TMTC4: variants seen among roughly 807,000 people sequenced by gnomAD.
The protein encoded by TMTC4 is transmembrane O-mannosyltransferase targeting cadherins 4, also known as protein O-mannosyl-transferase TMTC4.
TMTC4 carries 65 observed loss-of-function variants against 86.0 expected under a neutral mutation model. The observed-to-expected ratio is 0.76, with a 90% CI of 0.62 to 0.93. The LOEUF is 0.93. Among genes scored for constraint, TMTC4 ranks in the 40% least tolerant of loss-of-function variants. The pLI is 0.00. For synonymous variants in TMTC4, 379 were observed against 382.5 expected, an observed-to-expected ratio of 0.99 and a Z score of 0.11; for missense variants, 866 against 948.1, an observed-to-expected ratio of 0.91 and a Z score of 1.14.
chr13:100,616,348 G>A lies in TMTC4; in HGVS notation c.1837-1918C>T, dbSNP rs540512121. ...CTCCCAAGTAGCTGGGATTACAGGC[G>A]CCCACCACCATGCCCAGCTAATTTT... On this transcript the variant is annotated intron_variant, in intron 15 of 18. Coordinates refer to ENST00000342624, the MANE Select transcript of TMTC4 (RefSeq NM_032813.5). Among the ~76,000 whole-genome samples, 12 of 151,904 alleles carry A rather than the reference G, an allele frequency of 7.9e-5. No homozygotes were observed. The South Asian group carries it at 1.7e-3, about 21-fold the overall frequency.
At chr13:100,626,254 A>G in intron 12 of TMTC4, 104 bp from the exon 13 acceptor site, 1 of 1,224,564 alleles carries the variant, frequency 8.2e-7, no homozygotes. Context: ...GCGACGAGGA[A>G]AAAAAATCAC....
chr13:100,615,159 A>G (rs1302338082), intron 15 of TMTC4, among the ~76,000 whole-genome samples: 1 of 152,074 alleles, frequency 6.6e-6, no homozygotes, highest in Non-Finnish European at 1.5e-5. Context: ...TATTTTTGAG[A>G]TAGAGTCTCA....
At chr13:100,612,694 C>CACA (rs1566560727) in intron 16 of TMTC4, among the ~76,000 whole-genome samples, 184 bp from the exon 17 acceptor site, 1 of 143,698 alleles carries the variant, frequency 7.0e-6, no homozygotes. Flanking sequence ...CACACACACA[C>CACA]GACGTTATCA....
intron 6 of TMTC4, among the ~76,000 whole-genome samples, chr13:100,645,922 C>T (rs548234026): frequency 6.6e-6 from 1 of 152,216 alleles, no homozygotes; most frequent in South Asian, 2.1e-4. Flanking sequence ...CACCCCCTAC[C>T]GCTCCCCTCA....
rs751561015 is a variant in TMTC4, at chr13:100,656,424, G to C, written c.597C>G (p.Phe199Leu). ...AGTAGCCAAGGAAAGATAACAAGAA[G>C]AACAGGGCACACAGGAGGTCTGCAC... ...VGRADLLCAL[F>L]FLLSFLGYCK... The change falls in exon 6 of 19, where the codon TTC (phenylalanine) becomes TTG (leucine). Residue 199 changes from phenylalanine to leucine, a missense_variant. Phe to Leu is a conservative substitution (Grantham distance 22, BLOSUM62 0). Transcript: ENST00000342624. The C allele has an allele frequency of 1.9e-6, 3 of 1,612,154 alleles. No individual in the cohort carries two copies. The highest frequency in any genetic ancestry group is 2.5e-6 in the Non-Finnish European group (3 of 1,179,374).
chr13:100,654,667 T>C (rs1162084400), intron 6 of TMTC4, among the ~76,000 whole-genome samples: 1 of 152,136 alleles, frequency 6.6e-6, no homozygotes, highest in Non-Finnish European at 1.5e-5. Flanking sequence ...GAATATAAAA[T>C]GTCTAGCCTT....
intron 17 of TMTC4, among the ~76,000 whole-genome samples, chr13:100,609,856 G>A (rs1419468663): frequency 6.6e-6 from 1 of 152,142 alleles, no homozygotes; most frequent in East Asian, 1.9e-4. Flanking sequence ...AGTGACTGCT[G>A]TTAGGTTTTA....
rs1878121473 is a variant in TMTC4, at chr13:100,614,303, C to T, written c.1951+13G>A. On this transcript the variant is annotated intron_variant, in intron 16 of 18. Coordinates refer to ENST00000342624, the MANE Select transcript of TMTC4 (RefSeq NM_032813.5). ...GCCATTTCCTGTGATTTGTTCCATC[C>T]AGCTTTCTGTACCTGTATTGTCGAG... is the stretch of plus-strand genomic sequence containing the variant. The T allele has an allele frequency of 6.2e-7, 1 of 1,600,980 alleles. No homozygotes were observed. Among genetic ancestry groups the T allele is most frequent in the African/African-American group, 1.3e-5 (1 of 74,588 alleles).
At chr13:100,660,636 T>C (rs906307383) in intron 5 of TMTC4, among the ~76,000 whole-genome samples, 1 of 150,266 alleles carries the variant, frequency 6.7e-6, no homozygotes, top group African/African-American at 2.5e-5. Context: ...TGTTCCACTC[T>C]TTGTATGTTT....
At position 100,649,404 on chromosome 13, in the gene TMTC4, ACT is replaced by A. The variant is rs1407707461; in HGVS notation, c.640+6975_640+6976del. Among the ~76,000 whole-genome samples, 4 of 152,128 alleles carry A rather than the reference ACT, an allele frequency of 2.6e-5. No individual in the cohort carries two copies. The East Asian group carries it at 5.8e-4, about 22-fold the overall frequency. Reference sequence around the variant, plus strand: ...CAACATATAATCTAGAGGAATTTAGACTCTGTGCTTTTGTGGCTATGTTCTTA... The same window carrying A: ...CAACATATAATCTAGAGGAATTTAGACTGTGCTTTTGTGGCTATGTTCTTA... On this transcript the variant is annotated intron_variant, in intron 6 of 18. Coordinates refer to ENST00000342624, the MANE Select transcript of TMTC4 (RefSeq NM_032813.5).
At chr13:100,666,584 A>G (rs947856200) in intron 3 of TMTC4, among the ~76,000 whole-genome samples, 8 of 152,206 alleles carry the variant, frequency 5.3e-5, no homozygotes, top group Admixed American at 5.2e-4. Flanking sequence ...TTAACACTTT[A>G]TATGTCTTCT....
At position 100,604,808 on chromosome 13, in the gene TMTC4, AATC is replaced by A. The variant is rs1876322653; in HGVS notation, c.*183_*185del. On this transcript the variant is annotated 3_prime_UTR_variant, in exon 19 of 19. Coordinates refer to ENST00000342624, the MANE Select transcript of TMTC4 (RefSeq NM_032813.5). ...CTGAAAAAATACAATTTCAATGAAA[AATC>A]ATATCACGCATTCAAGAGTATATTG... 1 of 498,230 alleles carries A rather than the reference AATC, an allele frequency of 2.0e-6. No individual in the cohort carries two copies. The highest frequency in any genetic ancestry group is 3.2e-6 in the Non-Finnish European group (1 of 312,466). The allele number at this position is 498,230 out of a possible 1,614,324, so 30.9% of individuals were successfully genotyped here. A position where few individuals can be genotyped will look rare whatever the true frequency, so the allele number is the denominator to read the frequency against.
Position 100,612,510 on chromosome 13 carries a change from C to T in TMTC4, c.1952G>A (p.Gly651Asp), listed in dbSNP as rs769163199. ...AACTGCTTCAGCTTGGGCTAAATTACCTGGGAGTGAAAAATGGAAAAATAA... is the reference window on the plus strand; with the variant it reads ...AACTGCTTCAGCTTGGGCTAAATTATCTGGGAGTGAAAAATGGAAAAATAA... ...NNMIILLDNTGNLAQAEAVGR... is the reference protein window; with the variant it reads ...NNMIILLDNTDNLAQAEAVGR... The change falls in exon 17 of 19, where the codon GGT becomes GAT. Residue 651 changes from glycine (G) to aspartate (D), a missense_variant and splice_region_variant. Physicochemically the swap from Gly to Asp is moderately conservative, Grantham distance 94. Transcript: ENST00000342624. 6 of 1,606,412 alleles carry T rather than the reference C, an allele frequency of 3.7e-6. No homozygotes were observed. The South Asian group carries it at 6.7e-5, about 18-fold the overall frequency.
chr13:100,616,039 T>C (rs948419468), intron 15 of TMTC4, among the ~76,000 whole-genome samples: 1 of 151,646 alleles, frequency 6.6e-6, no homozygotes, highest in African/African-American at 2.4e-5. Context: ...TCCAGTGGCA[T>C]CCATGTTGCT....
intron 17 of TMTC4, 145 bp from the exon 18 acceptor site, chr13:100,606,572 C>T (rs549878777): frequency 1.5e-4 from 98 of 658,264 alleles, no homozygotes; most frequent in Middle Eastern, 8.3e-4. Context: ...GAAGGCCCAG[C>T]GGGGCCACGC....
At chr13:100,659,328 C>T (rs1787227663) in intron 5 of TMTC4, among the ~76,000 whole-genome samples, 2 of 152,178 alleles carry the variant, frequency 1.3e-5, no homozygotes, top group Non-Finnish European at 2.9e-5. Flanking sequence ...AGTGCACTGG[C>T]GTGATCATAG....
chr13:100,612,884 T>A (rs536748755), intron 16 of TMTC4, among the ~76,000 whole-genome samples: 14 of 152,240 alleles, frequency 9.2e-5, no homozygotes, highest in Admixed American at 9.2e-4. Flanking sequence ...ATTTATCACA[T>A]TGAAGTATAC....
intron 6 of TMTC4, among the ~76,000 whole-genome samples, chr13:100,645,595 T>A (rs746363197): frequency 3.3e-5 from 5 of 152,034 alleles, no homozygotes; most frequent in Non-Finnish European, 7.4e-5. Flanking sequence ...TGACTGCCCC[T>A]GTGAGCAGGT....
At chr13:100,610,560 G>A (rs1877403086) in intron 17 of TMTC4, among the ~76,000 whole-genome samples, 1 of 152,142 alleles carries the variant, frequency 6.6e-6, no homozygotes, top group South Asian at 2.1e-4. Context: ...CTTAAGTTAG[G>A]CCCAGTGCTT....
Sources: allele counts gnomAD v4.1 joint callset (sites outside exome capture counted in the v4.1 genomes callset), GRCh38; gene constraint gnomAD v4.1.1; transcripts MANE v1.5; gene names NCBI Gene and HGNC (gene_info 2026-07-23, HGNC 2026-07-21).